RPS6KA2: variants seen among roughly 807,000 people sequenced by gnomAD.
RPS6KA2 encodes ribosomal protein S6 kinase alpha-2.
In RPS6KA2, 42 loss-of-function variants were observed where a neutral mutation model predicts 91.8. The ratio of observed to expected loss-of-function variants is 0.46; its 90% confidence interval spans 0.36 to 0.59. RPS6KA2 has a LOEUF of 0.59. RPS6KA2 is among the 20% of genes least tolerant of loss of function. RPS6KA2 has a pLI of 0.00. For missense variants in RPS6KA2, 798 were observed against 978.5 expected, an observed-to-expected ratio of 0.82 and a Z score of 2.46; for synonymous variants, 414 against 393.6, an observed-to-expected ratio of 1.05 and a Z score of -0.61.
At chr6:166,413,607 G>A (rs1369603529) in intron 20 of RPS6KA2, among the ~76,000 whole-genome samples, 187 bp downstream of exon 20, 1 of 152,232 alleles carries the variant, frequency 6.6e-6, no homozygotes, top group African/African-American at 2.4e-5. Flanking sequence ...ACTCAGGTAG[G>A]AGCCCTGTGC....
At position 166,510,268 on chromosome 6, in the gene RPS6KA2, T is replaced by G. The variant is rs1562545134; in HGVS notation, c.379+9A>C. 1 of 1,557,620 alleles carries G rather than the reference T, an allele frequency of 6.4e-7. No homozygotes were observed. Among genetic ancestry groups the G allele is most frequent in the African/African-American group, 1.4e-5 (1 of 73,604 alleles). ...GTCCTCTTTAAAGTGTCATTTTGAC[T>G]CTACTTACCATAATGAAGCTTCACA... On this transcript the variant is annotated intron_variant, in intron 4 of 20. Transcript: ENST00000265678.
chr6:166,425,505 C>A (rs1034225175), intron 16 of RPS6KA2, among the ~76,000 whole-genome samples: 4 of 152,088 alleles, frequency 2.6e-5, no homozygotes, highest in African/African-American at 9.7e-5. Context: ...CACAGACTGG[C>A]AAATTGGATA....
rs1218641840 is a variant in RPS6KA2, at chr6:166,571,309, A to G, written c.100-32525T>C. The stretch of plus-strand genomic sequence containing the variant: ...GGCTTAAGGTTAAACGCTGACACAC[A>G]CAACACAGAGAACTAGAAGAAAGAC... On this transcript the variant is annotated intron_variant, in intron 1 of 20. Coordinates refer to ENST00000265678, the MANE Select transcript of RPS6KA2 (RefSeq NM_021135.6). Among the ~76,000 whole-genome samples, 3 of 152,258 alleles carry G rather than the reference A, an allele frequency of 2.0e-5. No individual in the cohort carries two copies. In the East Asian group the frequency reaches 5.8e-4, roughly 29 times the overall value.
chr6:166,715,862 A>C (rs2128582196), intron 2 of RPS6KA2, among the ~76,000 whole-genome samples: 1 of 152,088 alleles, frequency 6.6e-6, no homozygotes, highest in Admixed American at 6.5e-5. Flanking sequence ...ACATGGTGAA[A>C]CCCCGTCTCT....
At chr6:166,702,514 C>A (rs1308386275) in intron 2 of RPS6KA2, 2 of 1,490,278 alleles carry the variant, frequency 1.3e-6, no homozygotes, top group East Asian at 4.5e-5. Flanking sequence ...TTGCTGACAG[C>A]TCTCCACCAC....
chr6:166,681,777 C>T (rs1298601761), intron 2 of RPS6KA2, among the ~76,000 whole-genome samples: 1 of 140,912 alleles, frequency 7.1e-6, no homozygotes, highest in Non-Finnish European at 1.5e-5. Flanking sequence ...TTGTTTGACC[C>T]TTGTGGCCCA....
rs977228724 is a variant in RPS6KA2 at position 166,626,889 on chromosome 6, G to C, written c.99+32C>G. 1.4e-6 allele frequency: 2 copies of C among 1,451,352 alleles called. No homozygotes were observed. The highest frequency in any genetic ancestry group is 1.8e-6 in the Non-Finnish European group (2 of 1,093,666). 89.9% of individuals were successfully genotyped at this position (1,451,352 alleles called of 1,614,324 possible). A position where few individuals can be genotyped will look rare whatever the true frequency, so the allele number is the denominator to read the frequency against. ...GCGACCACGGCCCGCTCAGTGCCCG[G>C]CACCTGCGCGCCCCGAGGGCGGCCG... is the stretch of plus-strand genomic sequence containing the variant. On this transcript the variant is annotated intron_variant, in intron 1 of 20. Coordinates refer to ENST00000265678, the MANE Select transcript of RPS6KA2 (RefSeq NM_021135.6). The surrounding 1 kb of genome is among the most constrained non-coding windows in gnomAD (Gnocchi z 4.1).
intron 2 of RPS6KA2, among the ~76,000 whole-genome samples, chr6:166,722,781 T>C (rs982026026): frequency 6.6e-6 from 1 of 152,228 alleles, no homozygotes; most frequent in African/African-American, 2.4e-5. Context: ...CGTCCTTCAG[T>C]CTACTACTTA....
At chr6:166,656,705 T>A (rs1369816714) in intron 2 of RPS6KA2, among the ~76,000 whole-genome samples, 2 of 152,176 alleles carry the variant, frequency 1.3e-5, no homozygotes, top group African/African-American at 4.8e-5. Flanking sequence ...AGTGCAGCAC[T>A]GCGCGGTTCA....
intron 2 of RPS6KA2, among the ~76,000 whole-genome samples, chr6:166,677,318 T>C (rs1191412533): frequency 6.6e-6 from 1 of 151,962 alleles, no homozygotes; most frequent in Admixed American, 6.6e-5. Context: ...ACAATACAAA[T>C]ACCTTCTACT....
intron 2 of RPS6KA2, among the ~76,000 whole-genome samples, chr6:166,775,929 T>A (rs73264991): frequency 0.02 from 2,900 of 147,544 alleles, 65 homozygotes; most frequent in African/African-American, 0.069. Flanking sequence ...CTGTGGACAG[T>A]CAGGAAGACA....
chr6:166,469,854 G>T lies in RPS6KA2; in HGVS notation c.959C>A (p.Thr320Asn). The change falls in exon 11 of 21, where the codon ACC becomes AAC. Residue 320 changes from threonine to asparagine, a missense_variant. By Grantham distance (65) the Thr-to-Asn change is moderately conservative (BLOSUM62 0). Transcript: ENST00000265678. The part of the protein sequence containing the change: ...EEIKRHPFFV[T>N]IDWNTLYRKE... ...CATGCAACTTACGTTCCAGTCTATG[G>T]TCACAAAGAAGGGATGGCGCTTAAT... 6.2e-7 allele frequency: 1 copy of T among 1,614,108 alleles called. No individual in the cohort carries two copies. Among genetic ancestry groups the T allele is most frequent in the Non-Finnish European group, 8.5e-7 (1 of 1,179,928 alleles).
intron 11 of RPS6KA2, among the ~76,000 whole-genome samples, chr6:166,460,232 G>A (rs1056620457): frequency 6.6e-6 from 1 of 152,210 alleles, no homozygotes; most frequent in African/African-American, 2.4e-5. Context: ...TCCCCAACAG[G>A]ACCTTGGACA....
chr6:166,741,071 A>G (rs1337357003), intron 2 of RPS6KA2, among the ~76,000 whole-genome samples: 1 of 152,260 alleles, frequency 6.6e-6, no homozygotes. Flanking sequence ...GCGCTCATCC[A>G]AAGGGGTACA....
chr6:166,646,669 A>G (rs1341357849), intron 2 of RPS6KA2, among the ~76,000 whole-genome samples: 1 of 152,162 alleles, frequency 6.6e-6, no homozygotes, highest in African/African-American at 2.4e-5. Flanking sequence ...TCGTTTCACC[A>G]GGGGCTCCTC....
chr6:166,575,796 T>C (rs948368784), intron 1 of RPS6KA2, among the ~76,000 whole-genome samples: 1 of 152,152 alleles, frequency 6.6e-6, no homozygotes, highest in Non-Finnish European at 1.5e-5. Flanking sequence ...GAATAAAATT[T>C]TCAGGTGTAA....
chr6:166,770,614 C>T lies in RPS6KA2; in HGVS notation c.123+87586G>A, dbSNP rs957292526. ...GCAAGATGACATCCTCAGTTTAGCA[C>T]GCAAGGCAGCCCCTGCTGTACAAGG... is the stretch of plus-strand genomic sequence containing the variant. On this transcript the variant is annotated intron_variant, in intron 2 of 21. Transcript: ENST00000503859. The surrounding 1 kb of genome is among the most constrained non-coding windows in gnomAD (Gnocchi z 5.1). Among the ~76,000 whole-genome samples the T allele has an allele frequency of 2.0e-5, 3 of 152,332 alleles. No homozygotes were observed. Among genetic ancestry groups the T allele is most frequent in the African/African-American group, 4.8e-5 (2 of 41,570 alleles).
rs981554106 is a variant in RPS6KA2 at position 166,508,482 on chromosome 6, C to T, written c.380-200G>A. ...CTGACACTGTGAGCGCTGCCCCTCT[C>T]TCACTGTCGTTAGGGGGCCTTGAGA... is the stretch of plus-strand genomic sequence containing the variant. On this transcript the variant is annotated intron_variant, in intron 4 of 20. Coordinates refer to ENST00000265678, the MANE Select transcript of RPS6KA2 (RefSeq NM_021135.6). This position sits in a 1 kb window ranked among gnomAD's most constrained non-coding sequence, Gnocchi z 4.3. Among the ~76,000 whole-genome samples, 2 of 151,930 alleles carry T rather than the reference C, an allele frequency of 1.3e-5. No individual in the cohort carries two copies. The highest frequency in any genetic ancestry group is 4.8e-5 in the African/African-American group (2 of 41,344).
At chr6:166,546,210 GA>G (rs1783823008) in intron 1 of RPS6KA2, among the ~76,000 whole-genome samples, 3 of 152,192 alleles carry the variant, frequency 2.0e-5, no homozygotes, top group Non-Finnish European at 4.4e-5. Flanking sequence ...GCACAGGAAC[GA>G]TCTCCGAGAA....
Sources: gnomAD v4.1 joint callset for allele counts (sites outside exome capture counted in the v4.1 genomes callset) on GRCh38, gnomAD v4.1.1 for gene constraint, Gnocchi (gnomAD v3.1) non-coding constraint, MANE v1.5 for transcripts, NCBI Gene and HGNC (gene_info 2026-07-23, HGNC 2026-07-21) for gene names.